The following GTF2F2 variants were observed in gnomAD, a reference collection of about 807,000 sequenced individuals.
GTF2F2 encodes general transcription factor IIF subunit 2, also known as ATP-dependent helicase GTF2F2.
GTF2F2 carries 23 observed loss-of-function variants against 42.2 expected under a neutral mutation model. The observed-to-expected ratio is 0.55, with a 90% CI of 0.39 to 0.77. The LOEUF is 0.77. Ranked by LOEUF, GTF2F2 falls within the 30% of genes least tolerant of loss-of-function variation. The pLI is 0.00. For synonymous variants in GTF2F2, 105 were observed against 100.8 expected, an observed-to-expected ratio of 1.04 and a Z score of -0.25; for missense variants, 261 against 287.2, an observed-to-expected ratio of 0.91 and a Z score of 0.66.
In GTF2F2 at chr13:45,189,052, G is replaced by A. The variant is rs373461332; in HGVS notation, c.305-18372G>A. 4.6e-5 allele frequency among the ~76,000 whole-genome samples: 7 copies of A among 151,422 alleles called. No homozygotes were observed. The South Asian group carries it at 8.4e-4, about 18-fold the overall frequency. On this transcript the variant is annotated intron_variant, in intron 4 of 7. Transcript: ENST00000340473. ...ACTTCTCCTAACGCTATCCCTCCCCGGCTCCCCACCCCACAACAGGCCCCA... is the reference window on the plus strand; with the variant it reads ...ACTTCTCCTAACGCTATCCCTCCCCAGCTCCCCACCCCACAACAGGCCCCA...
At chr13:45,252,830 G>T (rs765452404) in intron 5 of GTF2F2, 41 bp from the exon 6 acceptor site, 1 of 798,162 alleles carries the variant, frequency 1.3e-6, no homozygotes, top group Non-Finnish European at 2.1e-6. Flanking sequence ...ATTTCACTCT[G>T]CTAAACAAGA....
intron 5 of GTF2F2, among the ~76,000 whole-genome samples, chr13:45,228,522 A>G (rs1009348239): frequency 8.1e-5 from 12 of 147,730 alleles, no homozygotes; most frequent in African/African-American, 7.5e-5. Context: ...GACCAGTAGC[A>G]TTTGTCTGCT....
chr13:45,229,191 C>T (rs1189014279), intron 5 of GTF2F2, among the ~76,000 whole-genome samples: 4 of 152,110 alleles, frequency 2.6e-5, no homozygotes, highest in Non-Finnish European at 5.9e-5. Flanking sequence ...CTCTTCCCTT[C>T]CCCTCCACTC....
At chr13:45,136,417 C>T (rs969596274) in intron 1 of GTF2F2, among the ~76,000 whole-genome samples, 2 of 152,208 alleles carry the variant, frequency 1.3e-5, no homozygotes, top group African/African-American at 4.8e-5. Flanking sequence ...CTGTTCTCTT[C>T]TGAGAAGCCT....
chr13:45,209,612 C>T (rs1164461708), intron 5 of GTF2F2, among the ~76,000 whole-genome samples: 1 of 151,994 alleles, frequency 6.6e-6, no homozygotes. Flanking sequence ...ACTTTAGGGA[C>T]CTGTGTGTGG....
At chr13:45,245,725 A>C (rs1446137371) in intron 5 of GTF2F2, among the ~76,000 whole-genome samples, 1 of 144,622 alleles carries the variant, frequency 6.9e-6, no homozygotes, top group Admixed American at 7.0e-5. Context: ...ACACACACAC[A>C]CCACATTTTG....
At position 45,163,467 on chromosome 13, in the gene GTF2F2, C is replaced by T. The variant is rs558399990; in HGVS notation, c.304+11636C>T. On this transcript the variant is annotated intron_variant, in intron 4 of 7. Transcript: ENST00000340473. Reference sequence around the variant, plus strand: ...AGGAGAATTGCTTGAACCCAGGAGGCGGAGGTTGCAGTGAGCCGAGATAGC... The same window carrying T: ...AGGAGAATTGCTTGAACCCAGGAGGTGGAGGTTGCAGTGAGCCGAGATAGC... 3.9e-3 allele frequency among the ~76,000 whole-genome samples: 592 copies of T among 151,906 alleles called. 1 individual carries two copies. The highest frequency in any genetic ancestry group is 6.8e-3 in the Middle Eastern group (2 of 294).
At chr13:45,219,693 G>A (rs1874031257) in intron 5 of GTF2F2, 1 of 152,218 alleles carries the variant, frequency 6.6e-6, no homozygotes, top group Admixed American at 6.5e-5. Flanking sequence ...CTAATGCTGT[G>A]TGTGGGTAGT....
At chr13:45,193,589 GTC>G (rs1872740121) in intron 4 of GTF2F2, 1 of 522,544 alleles carries the variant, frequency 1.9e-6, no homozygotes, top group East Asian at 2.9e-5. Context: ...AGGTGGAAGA[GTC>G]TGATCAGTAG....
intron 7 of GTF2F2, among the ~76,000 whole-genome samples, chr13:45,271,773 A>G (rs1201383168): frequency 6.6e-6 from 1 of 152,070 alleles, no homozygotes; most frequent in Non-Finnish European, 1.5e-5. Context: ...GCTGGTCTCA[A>G]ACTCCTGACC....
intron 4 of GTF2F2, among the ~76,000 whole-genome samples, chr13:45,202,433 C>A (rs1432596371): frequency 1.4e-5 from 2 of 147,030 alleles, no homozygotes; most frequent in African/African-American, 4.9e-5. Flanking sequence ...AGCTAGACAT[C>A]TGAGTGGGTG....
At chr13:45,194,054 T>C (rs1316353534) in intron 4 of GTF2F2, 3 of 1,614,024 alleles carry the variant, frequency 1.9e-6, no homozygotes, top group African/African-American at 2.7e-5. Flanking sequence ...ACCAGAACAA[T>C]GCGAGACTTT....
chr13:45,228,890 G>A (rs1371129497), intron 5 of GTF2F2, among the ~76,000 whole-genome samples: 1 of 151,912 alleles, frequency 6.6e-6, no homozygotes, highest in African/African-American at 2.4e-5. Context: ...GGTTGGTCTC[G>A]AACTTCCAGC....
At chr13:45,131,658 C>G (rs1480475295) in intron 1 of GTF2F2, among the ~76,000 whole-genome samples, 1 of 152,030 alleles carries the variant, frequency 6.6e-6, no homozygotes, top group Non-Finnish European at 1.5e-5. Flanking sequence ...GTAATCCCAG[C>G]ACCTTGGGAG....
At chr13:45,163,683 T>A (rs1404711067) in intron 4 of GTF2F2, among the ~76,000 whole-genome samples, 1 of 152,206 alleles carries the variant, frequency 6.6e-6, no homozygotes. Context: ...AAAACCTCAT[T>A]CAAGGTTATA....
intron 2 of GTF2F2, among the ~76,000 whole-genome samples, chr13:45,139,533 G>A (rs1240615044): frequency 2.6e-5 from 4 of 151,800 alleles, no homozygotes; most frequent in African/African-American, 4.8e-5. Flanking sequence ...ATTTCTTTTC[G>A]GTCTCTGTTC....
chr13:45,259,647 CTTTTTTTTTTT>C (rs1172870085), intron 6 of GTF2F2, among the ~76,000 whole-genome samples: 2 of 72,226 alleles, frequency 2.8e-5, no homozygotes, highest in South Asian at 8.1e-4. Flanking sequence ...AAACCTAGAA[CTTTTTTTTTTT>C]TTTTTTTTTT....
At chr13:45,124,765 C>T (rs1868887497) in intron 1 of GTF2F2, among the ~76,000 whole-genome samples, 1 of 151,984 alleles carries the variant, frequency 6.6e-6, no homozygotes, top group African/African-American at 2.4e-5. Flanking sequence ...GGGGTTTCAC[C>T]ATGTTGGCCA....
At chr13:45,276,143 G>T (rs1166512429) in intron 7 of GTF2F2, among the ~76,000 whole-genome samples, 1 of 152,158 alleles carries the variant, frequency 6.6e-6, no homozygotes, top group Non-Finnish European at 1.5e-5. Flanking sequence ...GAAGATTTTT[G>T]ATCTGCCATT....
Sources: allele counts gnomAD v4.1 joint callset (sites outside exome capture counted in the v4.1 genomes callset), GRCh38; gene constraint gnomAD v4.1.1; transcripts MANE v1.5; gene names NCBI Gene and HGNC (gene_info 2026-07-23, HGNC 2026-07-21).